Variants in PROK2 observed in about 807,000 individuals in gnomAD.
The protein encoded by PROK2 is prokineticin 2, also known as prokineticin-2.
In PROK2, 8 loss-of-function variants were observed where a neutral mutation model predicts 14.2. That is an observed-to-expected ratio of 0.56 (90% CI 0.33 to 1.02). The LOEUF is 1.02. Among genes scored for constraint, PROK2 ranks in the 50% least tolerant of loss-of-function variants. The pLI is 0.03. For synonymous variants in PROK2, 59 were observed against 60.7 expected, an observed-to-expected ratio of 0.97 and a Z score of 0.13; for missense variants, 154 against 160.4, an observed-to-expected ratio of 0.96 and a Z score of 0.22.
intron 1 of PROK2, among the ~76,000 whole-genome samples, chr3:71,782,254 T>G (rs941148820): frequency 6.6e-6 from 1 of 152,206 alleles, no homozygotes; most frequent in Admixed American, 6.5e-5. Flanking sequence ...TACTCTTCCT[T>G]CAGGTGAATA....
chr3:71,775,756 GC>G (rs923235213), intron 2 of PROK2, among the ~76,000 whole-genome samples: 1 of 152,072 alleles, frequency 6.6e-6, no homozygotes, highest in African/African-American at 2.4e-5. Flanking sequence ...ACACCACCAA[GC>G]CCAGACTCCA....
chr3:71,780,186 A>C (rs967935906), intron 2 of PROK2, among the ~76,000 whole-genome samples: 2 of 152,350 alleles, frequency 1.3e-5, no homozygotes, highest in African/African-American at 4.8e-5. Context: ...GGGATGGTTT[A>C]AATGTAACAG....
chr3:71,779,973 G>A (rs1369736894), intron 2 of PROK2, among the ~76,000 whole-genome samples: 1 of 152,192 alleles, frequency 6.6e-6, no homozygotes, highest in African/African-American at 2.4e-5. Flanking sequence ...TGACTTAAGT[G>A]TACAAAAGAT....
chr3:71,777,149 G>C (rs74627854), intron 2 of PROK2, among the ~76,000 whole-genome samples: 1 of 152,100 alleles, frequency 6.6e-6, no homozygotes, highest in African/African-American at 2.4e-5. Context: ...TGGGCAAAGC[G>C]CATATAGTAC....
rs1473413954 is a variant in PROK2, at chr3:71,785,029, TG to T, written c.23del (p.Pro8HisfsTer22). The part of the protein sequence containing the change: MRSLCCA[P>X]LLLLLLLPPL... ...GCGGCAGCAGCAAGAGGAGCAGGAG[TG>T]GGGCGCAGCACAGGCTCCTCATGGC... On this transcript the variant is annotated frameshift_variant, in exon 1 of 4. Coordinates refer to ENST00000295619, the MANE Select transcript of PROK2 (RefSeq NM_001126128.2). LOFTEE classifies it high-confidence loss of function. 1 of 1,243,960 alleles carries T rather than the reference TG, an allele frequency of 8.0e-7. No individual in the cohort carries two copies. 77.1% of individuals were successfully genotyped at this position (1,243,960 alleles called of 1,614,324 possible).
intron 2 of PROK2, among the ~76,000 whole-genome samples, chr3:71,776,513 G>GACTAC (rs1283948788): frequency 6.6e-6 from 1 of 151,714 alleles, no homozygotes; most frequent in Non-Finnish European, 1.5e-5. Context: ...ACGTAGCTGG[G>GACTAC]ACTACAGGCA....
intron 2 of PROK2, among the ~76,000 whole-genome samples, chr3:71,778,043 A>C (rs1427319002): frequency 6.6e-6 from 1 of 151,934 alleles, no homozygotes; most frequent in Non-Finnish European, 1.5e-5. Context: ...AAAATACCAA[A>C]AACATTAGCC....
At chr3:71,776,333 CTCT>C (rs1374031930) in intron 2 of PROK2, among the ~76,000 whole-genome samples, 2 of 145,546 alleles carry the variant, frequency 1.4e-5, no homozygotes, top group African/African-American at 2.6e-5. Context: ...TTTCTTTTCT[CTCT>C]TCTTTTCTTT....
intron 2 of PROK2, among the ~76,000 whole-genome samples, chr3:71,776,247 G>T (rs180794272): frequency 6.6e-5 from 10 of 152,026 alleles, no homozygotes; most frequent in African/African-American, 1.9e-4. Context: ...TAATACTTAG[G>T]TGCTTTTTTC....
chr3:71,773,587 C>G (rs7620156), intron 3 of PROK2, among the ~76,000 whole-genome samples: 146,006 of 152,294 alleles, frequency 0.96, 70,306 homozygotes, highest in East Asian at 1. Flanking sequence ...TCTATGCAAT[C>G]AGCAAATATA....
intron 2 of PROK2, among the ~76,000 whole-genome samples, chr3:71,778,208 T>TAAATA (rs376252819): frequency 1.7e-4 from 26 of 151,368 alleles, no homozygotes; most frequent in East Asian, 3.9e-4. Flanking sequence ...AAAAAATAAA[T>TAAATA]AAATAAAATA....
In PROK2 at chr3:71,781,482, A is replaced by G; in HGVS notation, c.207T>C (p.His69=). ...ATATACTAACTTTACGAGTCAGTGG[A>G]TGGCAGCTGTCTCCCAGTTTGCCCA... ...TPMGKLGDSC[H]PLTRKNNFGN... is the part of the protein sequence containing the mutation. Residue 69 remains histidine (H), a synonymous_variant, in exon 2 of 4, where the codon CAT becomes CAC. Coordinates refer to ENST00000295619, the MANE Select transcript of PROK2 (RefSeq NM_001126128.2). 1 of 1,614,136 alleles carries G rather than the reference A, an allele frequency of 6.2e-7. No individual in the cohort carries two copies. The highest frequency in any genetic ancestry group is 8.5e-7 in the Non-Finnish European group (1 of 1,179,990).
intron 2 of PROK2, among the ~76,000 whole-genome samples, chr3:71,777,284 C>T (rs1022435401): frequency 3.3e-5 from 5 of 152,170 alleles, no homozygotes; most frequent in Admixed American, 3.3e-4. Flanking sequence ...TAGCTCTTGA[C>T]ATTGTGATAG....
intron 2 of PROK2, among the ~76,000 whole-genome samples, chr3:71,775,071 G>A (rs1284822600): frequency 3.9e-5 from 6 of 152,152 alleles, no homozygotes; most frequent in Non-Finnish European, 7.4e-5. Flanking sequence ...CAAGGATGCT[G>A]CTAAACATTT....
In PROK2 at chr3:71,772,692, G is replaced by T; in HGVS notation, c.*32C>A. 6.4e-7 allele frequency: 1 copy of T among 1,560,030 alleles called. No individual in the cohort carries two copies. The highest frequency in any genetic ancestry group is 8.8e-7 in the Non-Finnish European group (1 of 1,130,872). On this transcript the variant is annotated 3_prime_UTR_variant, in exon 4 of 4. Coordinates refer to ENST00000295619, the MANE Select transcript of PROK2 (RefSeq NM_001126128.2). Reference sequence around the variant, plus strand: ...AGTAAGACTTTACAGGTAAGATGTGGCTATTCACATTTGGTTTCTACTCCA... The same window carrying T: ...AGTAAGACTTTACAGGTAAGATGTGTCTATTCACATTTGGTTTCTACTCCA...
chr3:71,784,434 T>C (rs906398649), intron 1 of PROK2, among the ~76,000 whole-genome samples: 2 of 152,140 alleles, frequency 1.3e-5, no homozygotes, highest in Non-Finnish European at 2.9e-5. Flanking sequence ...TTCAAAGCGC[T>C]CACATGGCCC....
intron 3 of PROK2, among the ~76,000 whole-genome samples, chr3:71,773,828 A>C (rs903891222): frequency 6.6e-6 from 1 of 152,254 alleles, no homozygotes. Context: ...GTCAACCGAC[A>C]GCGAGCATGG....
At chr3:71,784,026 C>T (rs954760029) in intron 1 of PROK2, among the ~76,000 whole-genome samples, 8 of 152,124 alleles carry the variant, frequency 5.3e-5, no homozygotes, top group Admixed American at 4.6e-4. Context: ...ATTTAAATCC[C>T]ATTATGTGCA....
chr3:71,781,365 A>T (rs1423628962), intron 2 of PROK2, 102 bp downstream of exon 2: 11 of 1,451,994 alleles, frequency 7.6e-6, no homozygotes, highest in Non-Finnish European at 9.7e-6. Flanking sequence ...TCCAATATTC[A>T]TTTTGTTTGT....
Sources: allele counts gnomAD v4.1 joint callset (sites outside exome capture counted in the v4.1 genomes callset), GRCh38; gene constraint gnomAD v4.1.1; transcripts MANE v1.5; gene names NCBI Gene and HGNC (gene_info 2026-07-23, HGNC 2026-07-21).